Variants in GFOD2 observed in about 807,000 individuals in gnomAD.
GFOD2 encodes the protein Gfo/Idh/MocA-like oxidoreductase domain containing 2, also known as glucose-fructose oxidoreductase domain-containing protein 2.
GFOD2 carries 9 observed loss-of-function variants against 24.6 expected under a neutral mutation model. The observed-to-expected ratio is 0.37, with a 90% CI of 0.22 to 0.64. The LOEUF is 0.64. Among genes scored for constraint, GFOD2 ranks in the 30% least tolerant of loss-of-function variants. GFOD2 has a pLI of 0.65. For synonymous variants in GFOD2, 211 were observed against 224.8 expected, an observed-to-expected ratio of 0.94 and a Z score of 0.55; for missense variants, 476 against 532.5, an observed-to-expected ratio of 0.89 and a Z score of 1.04.
chr16:67,686,907 G>A (rs1432795462), intron 1 of GFOD2, among the ~76,000 whole-genome samples: 6 of 151,766 alleles, frequency 4.0e-5, no homozygotes, highest in Non-Finnish European at 7.4e-5. Context: ...AGCACTTTGG[G>A]AGGCTGACGT....
chr16:67,703,360 G>A (rs920488414), intron 1 of GFOD2, among the ~76,000 whole-genome samples: 1 of 152,016 alleles, frequency 6.6e-6, no homozygotes, highest in African/African-American at 2.4e-5. Context: ...CCGAGATAGC[G>A]CCTTTGCACT....
chr16:67,714,335 C>A (rs1018493238), intron 1 of GFOD2, among the ~76,000 whole-genome samples: 3 of 151,648 alleles, frequency 2.0e-5, no homozygotes, highest in Non-Finnish European at 4.4e-5. Context: ...AAAAATTAGC[C>A]AGGCATGAAG....
At chr16:67,701,966 T>C (rs2053405352) in intron 1 of GFOD2, among the ~76,000 whole-genome samples, 1 of 152,120 alleles carries the variant, frequency 6.6e-6, no homozygotes. Context: ...GTGTATCTAG[T>C]CTGTAGAACC....
chr16:67,678,965 CA>C (rs1178845907), intron 2 of GFOD2, among the ~76,000 whole-genome samples: 1 of 152,008 alleles, frequency 6.6e-6, no homozygotes, highest in Non-Finnish European at 1.5e-5. Context: ...TTCAGGAGTT[CA>C]AAATCAGCCT....
intron 1 of GFOD2, among the ~76,000 whole-genome samples, chr16:67,689,624 T>C (rs2053296042): frequency 6.6e-6 from 1 of 151,748 alleles, no homozygotes; most frequent in Non-Finnish European, 1.5e-5. Flanking sequence ...TGAGCTGAGA[T>C]CAAGCCACTG....
At chr16:67,682,333 G>C in intron 2 of GFOD2, 1 of 984,762 alleles carries the variant, frequency 1.0e-6, no homozygotes, top group Non-Finnish European at 1.2e-6. Context: ...ACCAAGCCTG[G>C]CCTGCAAACT....
chr16:67,706,802 G>T (rs1384226371), intron 1 of GFOD2, among the ~76,000 whole-genome samples: 1 of 152,024 alleles, frequency 6.6e-6, no homozygotes, highest in Non-Finnish European at 1.5e-5. Flanking sequence ...TGTAACAAAG[G>T]ACTTGTCTGC....
intron 1 of GFOD2, among the ~76,000 whole-genome samples, chr16:67,688,428 A>T (rs1002617720): frequency 6.6e-6 from 1 of 152,194 alleles, no homozygotes; most frequent in African/African-American, 2.4e-5. Context: ...TATTCATTGT[A>T]GAGTTTTTCT....
intron 1 of GFOD2, among the ~76,000 whole-genome samples, chr16:67,691,474 C>G (rs2142994930): frequency 6.6e-6 from 1 of 151,022 alleles, no homozygotes; most frequent in Non-Finnish European, 1.5e-5. Flanking sequence ...TCCCAAAGCG[C>G]TAGGATTACA....
chr16:67,699,970 G>C (rs983780527), intron 1 of GFOD2, among the ~76,000 whole-genome samples: 3 of 152,040 alleles, frequency 2.0e-5, no homozygotes, highest in African/African-American at 4.8e-5. Context: ...GGCTACTCAG[G>C]AGGCTCAGGA....
chr16:67,678,476 C>CA (rs144320358), intron 2 of GFOD2, among the ~76,000 whole-genome samples: 17,127 of 74,482 alleles, frequency 0.23, 1,880 homozygotes, highest in African/African-American at 0.4. Context: ...AACTCTGTCT[C>CA]AAAAAAAAAA....
intron 1 of GFOD2, among the ~76,000 whole-genome samples, chr16:67,718,054 A>G (rs1004631135): frequency 6.6e-6 from 1 of 152,240 alleles, no homozygotes. Context: ...TCTCTAGTGT[A>G]GCTTTCCAGA....
chr16:67,718,050 G>C (rs905656503), intron 1 of GFOD2, among the ~76,000 whole-genome samples: 15 of 152,144 alleles, frequency 9.9e-5, no homozygotes, highest in African/African-American at 3.4e-4. Context: ...TTGTTCTCTA[G>C]TGTAGCTTTC....
chr16:67,702,366 C>T (rs1266641612), intron 1 of GFOD2, among the ~76,000 whole-genome samples: 1 of 151,726 alleles, frequency 6.6e-6, no homozygotes, highest in Non-Finnish European at 1.5e-5. Flanking sequence ...CCTAGCTACT[C>T]AGGAGGCAGA....
chr16:67,696,160 C>A (rs2053357401), intron 1 of GFOD2, among the ~76,000 whole-genome samples: 1 of 151,800 alleles, frequency 6.6e-6, no homozygotes, highest in Non-Finnish European at 1.5e-5. Context: ...ATTACAGGAG[C>A]CCGCCACCAT....
chr16:67,681,440 A>C (rs1330663085), intron 2 of GFOD2: 1 of 978,354 alleles, frequency 1.0e-6, no homozygotes, highest in African/African-American at 1.8e-5. Context: ...TTGTTTTTTT[A>C]GATGGGGACT....
Position 67,675,072 on chromosome 16 carries a change from G to T in GFOD2, c.*83C>A, listed in dbSNP as rs2053172593. 2 of 1,443,408 alleles carry T rather than the reference G, an allele frequency of 1.4e-6. No homozygotes were observed. Among genetic ancestry groups the T allele is most frequent in the Non-Finnish European group, 1.9e-6 (2 of 1,063,972 alleles). The allele number at this position is 1,443,408 out of a possible 1,614,324, so 89.4% of individuals were successfully genotyped here. On this transcript the variant is annotated 3_prime_UTR_variant, in exon 3 of 3. Coordinates refer to ENST00000268797, the MANE Select transcript of GFOD2 (RefSeq NM_030819.4). The stretch of plus-strand genomic sequence containing the variant: ...TCATTAAATGAAAGACACTGTCTCT[G>T]CTAGGGCCAAGTCCCTGTCATGTCT...
chr16:67,690,421 G>C (rs2053303428), intron 1 of GFOD2, among the ~76,000 whole-genome samples: 1 of 148,652 alleles, frequency 6.7e-6, no homozygotes, highest in African/African-American at 2.5e-5. Context: ...TTTTGAGACA[G>C]AGTCTTGTTC....
At chr16:67,684,777 GAGA>G in intron 2 of GFOD2, 15 of 983,962 alleles carry the variant, frequency 1.5e-5, no homozygotes, top group South Asian at 4.7e-5. Context: ...ATTAGATAAA[GAGA>G]AGAAGTTGAC....
Sources: gnomAD v4.1 joint callset for allele counts (sites outside exome capture counted in the v4.1 genomes callset) on GRCh38, gnomAD v4.1.1 for gene constraint, MANE v1.5 for transcripts, NCBI Gene and HGNC (gene_info 2026-07-23, HGNC 2026-07-21) for gene names.